Variants in TNFSF13B observed in about 807,000 individuals in gnomAD.
TNFSF13B encodes tumor necrosis factor ligand superfamily member 13B.
A neutral mutation model predicts 29.1 loss-of-function variants in TNFSF13B; 8 were observed. The ratio of observed to expected loss-of-function variants is 0.27; its 90% confidence interval spans 0.16 to 0.50. The LOEUF (loss-of-function observed/expected upper bound fraction) is 0.50. Ranked by LOEUF, TNFSF13B falls within the 20% of genes least tolerant of loss-of-function variation. TNFSF13B has a pLI of 0.98. For synonymous variants in TNFSF13B, 125 were observed against 130.8 expected (o/e 0.96, Z 0.30); for missense variants, 248 against 334.9 (o/e 0.74, Z 2.03).
At chr13:108,274,255 C>T (rs1218835139) in intron 2 of TNFSF13B, among the ~76,000 whole-genome samples, 2 of 144,504 alleles carry the variant, frequency 1.4e-5, no homozygotes, top group Non-Finnish European at 3.2e-5. Context: ...CTGTGTTGTT[C>T]AAGGATCAAC....
rs188597330 is a variant in TNFSF13B at position 108,302,389 on chromosome 13, C to A, written c.482-864C>A. On this transcript the variant is annotated intron_variant, in intron 3 of 5. Coordinates refer to ENST00000375887, the MANE Select transcript of TNFSF13B (RefSeq NM_006573.5). ...ATTTATACTCCCCAAATTTCCCAAT[C>A]TCCAGCCTTAGGGCTCACCCTTTAT... Among the ~76,000 whole-genome samples, 7 of 152,278 alleles carry A rather than the reference C, an allele frequency of 4.6e-5. No homozygotes were observed. The East Asian group carries it at 1.3e-3, about 29-fold the overall frequency.
intron 2 of TNFSF13B, among the ~76,000 whole-genome samples, chr13:108,273,551 C>T (rs1880678243): frequency 6.6e-6 from 1 of 152,158 alleles, no homozygotes; most frequent in Non-Finnish European, 1.5e-5. Flanking sequence ...GTGGTACATA[C>T]TGTACTACTG....
chr13:108,277,625 C>A (rs1873990348), intron 2 of TNFSF13B, among the ~76,000 whole-genome samples: 2 of 152,190 alleles, frequency 1.3e-5, no homozygotes, highest in Admixed American at 6.5e-5. Context: ...AATGCCGAAA[C>A]CATAGACAGA....
intron 2 of TNFSF13B, 35 bp downstream of exon 2, chr13:108,270,459 G>A (rs1328973904): frequency 1.3e-6 from 2 of 1,590,808 alleles, no homozygotes; most frequent in Admixed American, 1.7e-5. Context: ...TAGGAGTCAG[G>A]GATTAGAGAA....
At chr13:108,293,480 G>T (rs1005983812) in intron 3 of TNFSF13B, among the ~76,000 whole-genome samples, 13 of 152,134 alleles carry the variant, frequency 8.5e-5, no homozygotes, top group Non-Finnish European at 1.0e-4. Context: ...ACTGAAATTT[G>T]TATATGGATT....
At chr13:108,290,958 C>G (rs1276701970) in intron 3 of TNFSF13B, among the ~76,000 whole-genome samples, 1 of 151,834 alleles carries the variant, frequency 6.6e-6, no homozygotes, top group Admixed American at 6.6e-5. Flanking sequence ...ACTTAATTTT[C>G]CCCTGTGAGG....
chr13:108,298,667 T>A (rs1162681733), intron 3 of TNFSF13B, among the ~76,000 whole-genome samples: 1 of 145,428 alleles, frequency 6.9e-6, no homozygotes, highest in African/African-American at 2.6e-5. Flanking sequence ...TCAACTTGCT[T>A]TGATTTTGAT....
intron 3 of TNFSF13B, among the ~76,000 whole-genome samples, chr13:108,289,566 T>G (rs1881245330): frequency 6.8e-6 from 1 of 147,822 alleles, no homozygotes; most frequent in Non-Finnish European, 1.5e-5. Context: ...TAATTATATA[T>G]TATATAATAT....
At chr13:108,275,760 G>A (rs979717404) in intron 2 of TNFSF13B, among the ~76,000 whole-genome samples, 1 of 151,838 alleles carries the variant, frequency 6.6e-6, no homozygotes, top group Non-Finnish European at 1.5e-5. Context: ...ATATGAACAT[G>A]GTATTTCATT....
chr13:108,306,911 A>AT lies in TNFSF13B; in HGVS notation c.837dup (p.Gly280TrpfsTer31). On this transcript the variant is annotated frameshift_variant, in exon 6 of 6. Coordinates refer to ENST00000375887, the MANE Select transcript of TNFSF13B (RefSeq NM_006573.5). LOFTEE classifies it high-confidence loss of function. The stretch of plus-strand genomic sequence containing the variant: ...AAATATCACTGGATGGAGATGTCAC[A>AT]TTTTTTGGTGCATTGAAACTGCTGT... 1 of 1,603,634 alleles carries AT rather than the reference A, an allele frequency of 6.2e-7. No homozygotes were observed. Among genetic ancestry groups the AT allele is most frequent in the Non-Finnish European group, 8.5e-7 (1 of 1,176,130 alleles).
At chr13:108,302,605 C>T (rs1274380944) in intron 3 of TNFSF13B, among the ~76,000 whole-genome samples, 1 of 152,134 alleles carries the variant, frequency 6.6e-6, no homozygotes, top group Non-Finnish European at 1.5e-5. Flanking sequence ...CCCTTGAGCA[C>T]AGTGGTCTCC....
chr13:108,283,317 G>A (rs1030442051), intron 2 of TNFSF13B, among the ~76,000 whole-genome samples: 4 of 152,228 alleles, frequency 2.6e-5, no homozygotes, highest in African/African-American at 9.6e-5. Flanking sequence ...TTTCACCATT[G>A]TGCAAACATC....
chr13:108,301,497 A>T (rs1410757877), intron 3 of TNFSF13B, among the ~76,000 whole-genome samples: 1 of 152,238 alleles, frequency 6.6e-6, no homozygotes, highest in Non-Finnish European at 1.5e-5. Context: ...GTTTGCAGTA[A>T]CATGGATGAA....
chr13:108,292,857 C>G (rs1214561384), intron 3 of TNFSF13B, among the ~76,000 whole-genome samples: 1 of 152,082 alleles, frequency 6.6e-6, no homozygotes, highest in Non-Finnish European at 1.5e-5. Context: ...CAAGTATTTT[C>G]TCCTCTTTTG....
chr13:108,280,069 C>CTTT lies in TNFSF13B; in HGVS notation c.425-6718_425-6716dup, dbSNP rs35086854. Among the ~76,000 whole-genome samples the CTTT allele has an allele frequency of 6.9e-3, 825 of 119,978 alleles. 11 individuals carry two copies. The highest frequency in any genetic ancestry group is 0.023 in the African/African-American group (746 of 32,592). The allele number at this position is 119,978 out of a possible 152,430, so 78.7% of individuals were successfully genotyped here. ...TCCCTGGGGGCAGGGATGGCGTCTG[C>CTTT]TTTTTTTTTTTTTTTTTTGCTGTTC... On this transcript the variant is annotated intron_variant, in intron 2 of 5. Coordinates refer to ENST00000375887, the MANE Select transcript of TNFSF13B (RefSeq NM_006573.5).
At chr13:108,301,635 TGGGGTGGCG>T (rs1881626579) in intron 3 of TNFSF13B, among the ~76,000 whole-genome samples, 1 of 152,120 alleles carries the variant, frequency 6.6e-6, no homozygotes, top group Admixed American at 6.5e-5. Flanking sequence ...GACCAGTGGC[TGGGGTGGCG>T]GGGGTGGAGG....
intron 3 of TNFSF13B, among the ~76,000 whole-genome samples, chr13:108,301,898 A>G (rs944511507): frequency 6.6e-6 from 1 of 152,196 alleles, no homozygotes; most frequent in Non-Finnish European, 1.5e-5. Context: ...GTACATGACA[A>G]ATATGTACAA....
At chr13:108,285,074 T>C (rs1042287318) in intron 2 of TNFSF13B, among the ~76,000 whole-genome samples, 4 of 152,168 alleles carry the variant, frequency 2.6e-5, no homozygotes, top group Non-Finnish European at 4.4e-5. Context: ...ATAAGATTAA[T>C]AAAAGAATCC....
intron 2 of TNFSF13B, among the ~76,000 whole-genome samples, chr13:108,274,886 C>T (rs1211602451): frequency 6.6e-6 from 1 of 152,084 alleles, no homozygotes; most frequent in African/African-American, 2.4e-5. Flanking sequence ...GGGGAATTAC[C>T]ATCAGCCAAC....
Sources: gnomAD v4.1 joint callset for allele counts (sites outside exome capture counted in the v4.1 genomes callset) on GRCh38, gnomAD v4.1.1 for gene constraint, MANE v1.5 for transcripts, NCBI Gene and HGNC (gene_info 2026-07-23, HGNC 2026-07-21) for gene names.